PAN3: variants seen among roughly 807,000 people sequenced by gnomAD.
PAN3 encodes PAN2-PAN3 deadenylation complex subunit PAN3.
In PAN3, 19 loss-of-function variants were observed where a neutral mutation model predicts 96.2. That is an observed-to-expected ratio of 0.20 (90% CI 0.14 to 0.29). The LOEUF (loss-of-function observed/expected upper bound fraction) is 0.29. Ranked by LOEUF, PAN3 falls within the 10% of genes least tolerant of loss-of-function variation. PAN3 has a pLI of 1.00. For synonymous variants in PAN3, 433 were observed against 406.6 expected, an observed-to-expected ratio of 1.06 and a Z score of -0.78; for missense variants, 882 against 1,108.1, an observed-to-expected ratio of 0.80 and a Z score of 2.90.
At chr13:28,168,402 A>G (rs534409334) in intron 1 of PAN3, among the ~76,000 whole-genome samples, 124 of 152,280 alleles carry the variant, frequency 8.1e-4, no homozygotes, top group Middle Eastern at 6.8e-3. Context: ...TTTAATACAG[A>G]TGGCAATAGA....
At chr13:28,249,910 T>G (rs1210405333) in intron 6 of PAN3, among the ~76,000 whole-genome samples, 1 of 152,200 alleles carries the variant, frequency 6.6e-6, no homozygotes, top group Non-Finnish European at 1.5e-5. Context: ...GGGAGTTTCC[T>G]TTTTAGTGAA....
chr13:28,146,405 C>G (rs1489114134), intron 1 of PAN3, among the ~76,000 whole-genome samples: 2 of 151,416 alleles, frequency 1.3e-5, no homozygotes, highest in Non-Finnish European at 2.9e-5. Context: ...CCCCATAGAT[C>G]CAGGAACTTG....
chr13:28,177,653 C>A (rs973389946), intron 3 of PAN3, among the ~76,000 whole-genome samples: 2 of 152,124 alleles, frequency 1.3e-5, no homozygotes, highest in African/African-American at 4.8e-5. Flanking sequence ...ATAGATCTAT[C>A]CTGATCCATA....
At chr13:28,222,481 C>T (rs9579168) in intron 6 of PAN3, among the ~76,000 whole-genome samples, 1 of 152,076 alleles carries the variant, frequency 6.6e-6, no homozygotes, top group Non-Finnish European at 1.5e-5. Flanking sequence ...TAAAAGTGCT[C>T]TTCATTCAGA....
At chr13:28,155,066 T>G (rs1022472344) in intron 1 of PAN3, among the ~76,000 whole-genome samples, 10 of 151,248 alleles carry the variant, frequency 6.6e-5, no homozygotes, top group African/African-American at 1.9e-4. Flanking sequence ...TCCACCCGCC[T>G]TGGCCTCCCA....
At chr13:28,184,610 A>G (rs1205006044) in intron 4 of PAN3, among the ~76,000 whole-genome samples, 1 of 152,182 alleles carries the variant, frequency 6.6e-6, no homozygotes, top group Non-Finnish European at 1.5e-5. Context: ...TTTATAATTG[A>G]CAGACAACTT....
chr13:28,211,062 A>T (rs931452486), intron 5 of PAN3, among the ~76,000 whole-genome samples: 4 of 151,832 alleles, frequency 2.6e-5, no homozygotes, highest in Non-Finnish European at 5.9e-5. Context: ...TGGCTAATTT[A>T]AAAAAATTTT....
At chr13:28,239,195 ACACACG>A (rs1229570549) in intron 6 of PAN3, among the ~76,000 whole-genome samples, 3 of 101,338 alleles carry the variant, frequency 3.0e-5, no homozygotes, top group African/African-American at 1.3e-4. Context: ...ACACGCATGC[ACACACG>A]CACACACACA....
At chr13:28,260,823 T>C (rs1427944031) in intron 8 of PAN3, among the ~76,000 whole-genome samples, 1 of 152,228 alleles carries the variant, frequency 6.6e-6, no homozygotes, top group African/African-American at 2.4e-5. Flanking sequence ...GAAAAGGCTC[T>C]TTGAAGTATA....
At chr13:28,187,433 G>A (rs1362526398) in intron 4 of PAN3, among the ~76,000 whole-genome samples, 1 of 152,156 alleles carries the variant, frequency 6.6e-6, no homozygotes, top group Non-Finnish European at 1.5e-5. Context: ...AAAGCACAAG[G>A]ATATAAGAAG....
intron 14 of PAN3, among the ~76,000 whole-genome samples, chr13:28,275,556 G>A (rs924924988): frequency 6.6e-6 from 1 of 152,106 alleles, no homozygotes; most frequent in East Asian, 1.9e-4. Flanking sequence ...GGATTGAATC[G>A]CCCATAGAAA....
intron 4 of PAN3, among the ~76,000 whole-genome samples, chr13:28,196,737 G>C (rs1440318022): frequency 1.3e-5 from 2 of 152,156 alleles, no homozygotes; most frequent in Non-Finnish European, 2.9e-5. Context: ...AAAGTAACAA[G>C]ATGGTGAGCT....
chr13:28,193,199 T>G lies in PAN3; in HGVS notation c.691-3986T>G, dbSNP rs866067039. 2.0e-5 allele frequency among the ~76,000 whole-genome samples: 3 copies of G among 152,204 alleles called. No homozygotes were observed. In the South Asian group the frequency reaches 6.2e-4, roughly 32 times the overall value. On this transcript the variant is annotated intron_variant, in intron 4 of 18. Transcript: ENST00000380958. Reference sequence around the variant, plus strand: ...GAAGCTTGCTTTAGGATATTTTCATTTAGTTACACAGAGAAGATTTTACTT... The same window carrying G: ...GAAGCTTGCTTTAGGATATTTTCATGTAGTTACACAGAGAAGATTTTACTT...
intron 4 of PAN3, among the ~76,000 whole-genome samples, chr13:28,192,217 C>T (rs1877378548): frequency 6.6e-6 from 1 of 151,906 alleles, no homozygotes; most frequent in South Asian, 2.1e-4. Flanking sequence ...TTACAGGCGC[C>T]TGCCACCACA....
chr13:28,288,302 T>C (rs1315807184), intron 18 of PAN3, among the ~76,000 whole-genome samples, 180 bp downstream of exon 18: 1 of 152,174 alleles, frequency 6.6e-6, no homozygotes, highest in Non-Finnish European at 1.5e-5. Flanking sequence ...GCATGAATAA[T>C]TTTTTGGGGC....
chr13:28,212,769 G>A (rs1426334318), intron 5 of PAN3, among the ~76,000 whole-genome samples: 1 of 152,182 alleles, frequency 6.6e-6, no homozygotes. Flanking sequence ...TGAAGGCATA[G>A]CAATAGAAAC....
At position 28,138,554 on chromosome 13, in the gene PAN3, G is replaced by C. The variant is rs1869088755; in HGVS notation, c.-104G>C. ...GCAGCGGGACAGACCCACCCGCCCA[G>C]GCTTTTATCCGGCACCGGCAGCGTC... On this transcript the variant is annotated 5_prime_UTR_variant, in exon 1 of 19. Transcript: ENST00000380958. 2 of 199,816 alleles carry C rather than the reference G, an allele frequency of 1.0e-5. No individual in the cohort carries two copies. Among genetic ancestry groups the C allele is most frequent in the Non-Finnish European group, 2.0e-5 (2 of 101,042 alleles). The allele number at this position is 199,816 out of a possible 1,614,324, so 12.4% of individuals were successfully genotyped here.
intron 4 of PAN3, among the ~76,000 whole-genome samples, chr13:28,193,471 G>A (rs969111455): frequency 7.9e-5 from 12 of 152,088 alleles, no homozygotes; most frequent in Non-Finnish European, 1.3e-4. Context: ...GGACGGGCAC[G>A]TGGTTCACGC....
At chr13:28,196,671 C>A (rs1355836470) in intron 4 of PAN3, among the ~76,000 whole-genome samples, 2 of 150,978 alleles carry the variant, frequency 1.3e-5, no homozygotes, top group Non-Finnish European at 2.9e-5. Context: ...TTTTAAAAAT[C>A]AATTTATTAG....
Sources: gnomAD v4.1 joint callset for allele counts (sites outside exome capture counted in the v4.1 genomes callset) on GRCh38, gnomAD v4.1.1 for gene constraint, MANE v1.5 for transcripts, NCBI Gene and HGNC (gene_info 2026-07-23, HGNC 2026-07-21) for gene names.